The following APOBEC1 variants were observed in gnomAD, a reference collection of about 807,000 sequenced individuals.
APOBEC1 encodes apolipoprotein B mRNA editing enzyme catalytic subunit 1.
A neutral mutation model predicts 26.3 loss-of-function variants in APOBEC1; 22 were observed. The observed-to-expected ratio is 0.84, with a 90% CI of 0.60 to 1.19. The LOEUF (loss-of-function observed/expected upper bound fraction) is 1.19. Ranked by LOEUF, APOBEC1 falls within the 50% of genes most tolerant of loss-of-function variation. The pLI, the probability that APOBEC1 is intolerant of heterozygous loss-of-function variation, is 0.00. For missense variants in APOBEC1, 253 were observed against 289.0 expected, an observed-to-expected ratio of 0.88 and a Z score of 0.90; for synonymous variants, 77 against 95.3, an observed-to-expected ratio of 0.81 and a Z score of 1.12.
At chr12:7,651,945 C>T (rs913611814) in intron 3 of APOBEC1, among the ~76,000 whole-genome samples, 3 of 151,926 alleles carry the variant, frequency 2.0e-5, no homozygotes, top group East Asian at 2.0e-4. Context: ...CTCAGCCTCC[C>T]GAGTAGCTGG....
chr12:7,652,022 C>T (rs2136838577), intron 3 of APOBEC1, among the ~76,000 whole-genome samples: 1 of 152,206 alleles, frequency 6.6e-6, no homozygotes, highest in East Asian at 1.9e-4. Flanking sequence ...CGGGGTTTCA[C>T]CGTGTTAGCC....
At chr12:7,659,334 T>A (rs867139361) in intron 1 of APOBEC1, among the ~76,000 whole-genome samples, 91 of 97,604 alleles carry the variant, frequency 9.3e-4, no homozygotes, top group African/African-American at 3.1e-3. Context: ...TATATATATA[T>A]ATATATATAT....
intron 1 of APOBEC1, among the ~76,000 whole-genome samples, chr12:7,658,723 C>T (rs1023302827): frequency 4.0e-5 from 6 of 151,426 alleles, no homozygotes; most frequent in Non-Finnish European, 8.8e-5. Context: ...GAGGCTGAGG[C>T]AGGTGGATCA....
At chr12:7,655,563 G>T (rs776866799) in intron 1 of APOBEC1, among the ~76,000 whole-genome samples, 1 of 152,136 alleles carries the variant, frequency 6.6e-6, no homozygotes, top group South Asian at 2.1e-4. Flanking sequence ...GTTATGACAC[G>T]ATGGGTAGAG....
intron 1 of APOBEC1, among the ~76,000 whole-genome samples, chr12:7,657,782 G>A (rs1327017313): frequency 6.6e-6 from 1 of 152,038 alleles, no homozygotes; most frequent in Admixed American, 6.6e-5. Flanking sequence ...AAGCTGAGGT[G>A]GGATAATCAC....
chr12:7,663,710 T>G (rs1863852514), intron 1 of APOBEC1, among the ~76,000 whole-genome samples: 1 of 152,134 alleles, frequency 6.6e-6, no homozygotes, highest in South Asian at 2.1e-4. Flanking sequence ...ATTCCTGGGA[T>G]GCAAAGACAA....
chr12:7,664,681 G>A (rs1400444426), intron 1 of APOBEC1, among the ~76,000 whole-genome samples: 2 of 152,118 alleles, frequency 1.3e-5, no homozygotes, highest in Non-Finnish European at 2.9e-5. Flanking sequence ...TTGGGAGGCC[G>A]AGGCTAGTGG....
At chr12:7,660,904 A>T (rs1221661797) in intron 1 of APOBEC1, among the ~76,000 whole-genome samples, 1 of 150,942 alleles carries the variant, frequency 6.6e-6, no homozygotes, top group Non-Finnish European at 1.5e-5. Flanking sequence ...GGACATAAAG[A>T]CAGGAACAGC....
intron 1 of APOBEC1, among the ~76,000 whole-genome samples, chr12:7,660,378 A>AGGAAGGAAGGAAGGAAGGAAGGAAGGAC (rs1257234032): frequency 3.0e-4 from 30 of 100,848 alleles, no homozygotes; most frequent in Admixed American, 7.7e-4. Context: ...GAAGGAAGGA[A>AGGAAGGAAGGAAGGAAGGAAGGAAGGAC]AGAAAGAAAG....
At chr12:7,653,921 C>T (rs1172866412) in intron 2 of APOBEC1, among the ~76,000 whole-genome samples, 1 of 152,184 alleles carries the variant, frequency 6.6e-6, no homozygotes, top group Non-Finnish European at 1.5e-5. Context: ...AATTGAACTG[C>T]AGACTCTTCT....
intron 1 of APOBEC1, among the ~76,000 whole-genome samples, chr12:7,665,248 C>T (rs974856668): frequency 7.9e-5 from 12 of 152,122 alleles, no homozygotes; most frequent in African/African-American, 1.2e-4. Context: ...CATGCTATCA[C>T]GTCTGTTGTT....
chr12:7,659,330 T>A (rs1443740093), intron 1 of APOBEC1, among the ~76,000 whole-genome samples: 934 of 86,544 alleles, frequency 0.011, 11 homozygotes, highest in Middle Eastern at 0.016. Flanking sequence ...AAAATATATA[T>A]ATATATATAT....
In APOBEC1 at chr12:7,652,827, A is replaced by G. The variant is rs753928830; in HGVS notation, c.53T>C (p.Ile18Thr). 1.3e-6 allele frequency: 2 copies of G among 1,578,456 alleles called. No individual in the cohort carries two copies. The highest frequency in any genetic ancestry group is 1.7e-6 in the Non-Finnish European group (2 of 1,163,550). Residue 18 changes from isoleucine (I) to threonine (T), a missense_variant, in exon 3 of 5, where the codon ATC (isoleucine) becomes ACC (threonine). By Grantham distance (89) the Ile-to-Thr change is moderately conservative. Transcript: ENST00000229304. ...GAAGACGTCAAACTCCCAGGGTTCGATTCTTCTCCTGAAATACAAAAAGCA... is the reference window on the plus strand; with the variant it reads ...GAAGACGTCAAACTCCCAGGGTTCGGTTCTTCTCCTGAAATACAAAAAGCA... ...STGDPTLRRRIEPWEFDVFYD... is the reference protein window; with the variant it reads ...STGDPTLRRRTEPWEFDVFYD...
Position 7,665,884 on chromosome 12 carries a change from T to C in APOBEC1, c.-12A>G. 1 of 1,613,936 alleles carries C rather than the reference T, an allele frequency of 6.2e-7. No homozygotes were observed. Among genetic ancestry groups the C allele is most frequent in the Non-Finnish European group, 8.5e-7 (1 of 1,179,972 alleles). ...TTCTCAGAAGTCATGGTGCTCTGTCTCTGGACTTCCTCCTCTGGAGTCATA... is the reference window on the plus strand; with the variant it reads ...TTCTCAGAAGTCATGGTGCTCTGTCCCTGGACTTCCTCCTCTGGAGTCATA... On this transcript the variant is annotated 5_prime_UTR_variant, in exon 1 of 5. Coordinates refer to ENST00000229304, the MANE Select transcript of APOBEC1 (RefSeq NM_001644.5).
At chr12:7,654,835 A>G (rs1863691271) in intron 1 of APOBEC1, among the ~76,000 whole-genome samples, 1 of 152,224 alleles carries the variant, frequency 6.6e-6, no homozygotes, top group South Asian at 2.1e-4. Flanking sequence ...CTCTTTTCCC[A>G]GATGCCCAAT....
chr12:7,653,502 T>C (rs1863675712), intron 2 of APOBEC1, among the ~76,000 whole-genome samples: 1 of 150,530 alleles, frequency 6.6e-6, no homozygotes, highest in Non-Finnish European at 1.5e-5. Flanking sequence ...TTTTTTTTTT[T>C]TTTTTTTTAA....
In APOBEC1 at chr12:7,652,464, A is replaced by T; in HGVS notation, c.416T>A (p.Val139Glu). The change falls in exon 3 of 5, where the codon GTA becomes GAA. Residue 139 changes from valine to glutamate, a missense_variant. Transcript: ENST00000229304. ...TGATGCTCTCATAATCTGAATAGTT[A>T]CTCCACTGTTAACAAGGTCCCTGAG... ...QGLRDLVNSG[V>E]TIQIMRASEY... 1 of 1,613,576 alleles carries T rather than the reference A, an allele frequency of 6.2e-7. No individual in the cohort carries two copies. The highest frequency in any genetic ancestry group is 8.5e-7 in the Non-Finnish European group (1 of 1,179,862).
chr12:7,670,012 T>G (rs1315620412), upstream of APOBEC1, among the ~76,000 whole-genome samples: 1 of 151,534 alleles, frequency 6.6e-6, no homozygotes, highest in Non-Finnish European at 1.5e-5. Context: ...AGACAAAATT[T>G]TGCTCTTGTT....
In APOBEC1 at chr12:7,652,837, TG is replaced by T; in HGVS notation, c.45-3del. 6.4e-7 allele frequency: 1 copy of T among 1,569,166 alleles called. No homozygotes were observed. The highest frequency in any genetic ancestry group is 1.2e-5 in the South Asian group (1 of 85,198). Reference sequence around the variant, plus strand: ...AACTCCCAGGGTTCGATTCTTCTCCTGAAATACAAAAAGCAGCCCACACTGT... The same window carrying T: ...AACTCCCAGGGTTCGATTCTTCTCCTAAATACAAAAAGCAGCCCACACTGT... On this transcript the variant is annotated splice_polypyrimidine_tract_variant and splice_region_variant and intron_variant, in intron 2 of 4. Coordinates refer to ENST00000229304, the MANE Select transcript of APOBEC1 (RefSeq NM_001644.5).
Sources: gnomAD v4.1 joint callset for allele counts (sites outside exome capture counted in the v4.1 genomes callset) on GRCh38, gnomAD v4.1.1 for gene constraint, MANE v1.5 for transcripts, NCBI Gene and HGNC (gene_info 2026-07-23, HGNC 2026-07-21) for gene names.